Variants in OSBPL3 observed in about 807,000 individuals in gnomAD.
The protein encoded by OSBPL3 is oxysterol-binding protein-related protein 3.
A neutral mutation model predicts 120.1 loss-of-function variants in OSBPL3; 65 were observed. That is an observed-to-expected ratio of 0.54 (90% CI 0.44 to 0.67). The LOEUF (loss-of-function observed/expected upper bound fraction) is 0.67. OSBPL3 is among the 30% of genes least tolerant of loss of function. OSBPL3 has a pLI of 0.00. For missense variants in OSBPL3, 1,004 were observed against 1,082.1 expected (o/e 0.93, Z 1.01); for synonymous variants, 416 against 402.6 (o/e 1.03, Z -0.40).
rs530537334 is a variant in OSBPL3, at chr7:24,951,241, T to A, written c.-150+28645A>T. Among the ~76,000 whole-genome samples the A allele has an allele frequency of 2.6e-5, 4 of 152,320 alleles. No individual in the cohort carries two copies. In the South Asian group the frequency reaches 8.3e-4, roughly 32 times the overall value. On this transcript the variant is annotated intron_variant, in intron 1 of 22. Coordinates refer to ENST00000313367, the MANE Select transcript of OSBPL3 (RefSeq NM_015550.4). ...CTAAAAATATTTGCTAGTGGCCTAA[T>A]GTAAGTGGATCCTTAAGTGGGGTTT...
In OSBPL3 at chr7:24,899,868, A is replaced by C. The variant is rs2128372704; in HGVS notation, c.-149-7247T>G. Among the ~76,000 whole-genome samples the C allele has an allele frequency of 6.6e-6, 1 of 152,356 alleles. No homozygotes were observed. The highest frequency in any genetic ancestry group is 1.9e-4 in the East Asian group (1 of 5,192). On this transcript the variant is annotated intron_variant, in intron 1 of 22. Coordinates refer to ENST00000313367, the MANE Select transcript of OSBPL3 (RefSeq NM_015550.4). The surrounding 1 kb of genome is among the most constrained non-coding windows in gnomAD (Gnocchi z 4.0). ...TTAGATGAGTTGAATCAGAATTTCT[A>C]TCTAGAGACGGGCCTGATAATCTGC... is the stretch of plus-strand genomic sequence containing the variant.
intron 18 of OSBPL3, among the ~76,000 whole-genome samples, chr7:24,816,112 C>T (rs991713548): frequency 6.6e-6 from 1 of 152,200 alleles, no homozygotes; most frequent in Non-Finnish European, 1.5e-5. Context: ...TAGCCTCAAC[C>T]TCCCCAGGCT....
In OSBPL3 at chr7:24,818,294, T is replaced by C. The variant is rs1309835734; in HGVS notation, c.1949-1606A>G. ...ATAAAAACCATTGAATTGTACACTT[T>C]ACACGGGTGAATGATATGGTATATA... On this transcript the variant is annotated intron_variant, in intron 17 of 22. Transcript: ENST00000313367. This position sits in a 1 kb window ranked among gnomAD's most constrained non-coding sequence, Gnocchi z 4.0. 6.6e-6 allele frequency among the ~76,000 whole-genome samples: 1 copy of C among 152,178 alleles called. No homozygotes were observed. Among genetic ancestry groups the C allele is most frequent in the Non-Finnish European group, 1.5e-5 (1 of 68,034 alleles).
In OSBPL3 at chr7:24,956,499, G is replaced by A. The variant is rs544200750; in HGVS notation, c.-150+23387C>T. On this transcript the variant is annotated intron_variant, in intron 1 of 22. Transcript: ENST00000313367. ...CGAAGAACTGAAGAGTAAAACACTG[G>A]AAGAGTAAAGCAGTAGAATTACCAT... Among the ~76,000 whole-genome samples the A allele has an allele frequency of 1.6e-3, 244 of 152,340 alleles. 1 individual carries two copies. The highest frequency in any genetic ancestry group is 2.5e-3 in the Non-Finnish European group (167 of 68,028).
At position 24,900,149 on chromosome 7, in the gene OSBPL3, A is replaced by T. The variant is rs1806777185; in HGVS notation, c.-149-7528T>A. Reference sequence around the variant, plus strand: ...AATGCAAAATCTCTGACCCTACCACAGACCAACAAAATCAGGAACTGAGAG... The same window carrying T: ...AATGCAAAATCTCTGACCCTACCACTGACCAACAAAATCAGGAACTGAGAG... On this transcript the variant is annotated intron_variant, in intron 1 of 22. Transcript: ENST00000313367. The surrounding 1 kb of genome is among the most constrained non-coding windows in gnomAD (Gnocchi z 4.5). Among the ~76,000 whole-genome samples, 1 of 152,186 alleles carries T rather than the reference A, an allele frequency of 6.6e-6. No individual in the cohort carries two copies. The highest frequency in any genetic ancestry group is 2.4e-5 in the African/African-American group (1 of 41,448).
intron 13 of OSBPL3, among the ~76,000 whole-genome samples, chr7:24,841,422 T>G (rs1562807178): frequency 6.6e-6 from 1 of 151,626 alleles, no homozygotes; most frequent in Non-Finnish European, 1.5e-5. Context: ...GTCAAAACTA[T>G]TAACCTGTAC....
At position 24,930,663 on chromosome 7, in the gene OSBPL3, C is replaced by T. The variant is rs1429366203; in HGVS notation, c.-149-38042G>A. 6.6e-6 allele frequency among the ~76,000 whole-genome samples: 1 copy of T among 152,092 alleles called. No homozygotes were observed. The highest frequency in any genetic ancestry group is 1.5e-5 in the Non-Finnish European group (1 of 68,014). On this transcript the variant is annotated intron_variant, in intron 1 of 22. Coordinates refer to ENST00000313367, the MANE Select transcript of OSBPL3 (RefSeq NM_015550.4). The surrounding 1 kb of genome is among the most constrained non-coding windows in gnomAD (Gnocchi z 4.4). ...TGGTCATTAACCTTTCCAGGTTAAC[C>T]TCTTAAAAAATTTAATGAAAGTTAT...
chr7:24,861,956 C>T (rs772445854), intron 9 of OSBPL3, among the ~76,000 whole-genome samples, 187 bp from the exon 10 acceptor site: 1 of 151,110 alleles, frequency 6.6e-6, no homozygotes, highest in Non-Finnish European at 1.5e-5. Context: ...GCACAATCTC[C>T]GCTCACTGCA....
rs1449905059 is a variant in OSBPL3 at position 24,881,058 on chromosome 7, C to T, written c.97-8989G>A. Among the ~76,000 whole-genome samples the T allele has an allele frequency of 1.3e-5, 2 of 152,178 alleles. No individual in the cohort carries two copies. The highest frequency in any genetic ancestry group is 6.5e-5 in the Admixed American group (1 of 15,272). ...CTCTTCAAGGAGACCCACTGCTTTG[C>T]TGGACAGCACCAGCTGAGAACAGTG... On this transcript the variant is annotated intron_variant, in intron 2 of 22. Transcript: ENST00000313367. This position sits in a 1 kb window ranked among gnomAD's most constrained non-coding sequence, Gnocchi z 4.3.
chr7:24,870,724 A>C lies in OSBPL3; in HGVS notation c.381+8T>G. ...AAGTGAACTCTGCACAGTGGGAAGC[A>C]GCCTCACCTTCAGATGGTAGATGTG... On this transcript the variant is annotated splice_region_variant and intron_variant, in intron 5 of 22. Transcript: ENST00000313367. The C allele has an allele frequency of 6.5e-7, 1 of 1,528,168 alleles. No individual in the cohort carries two copies. The highest frequency in any genetic ancestry group is 9.1e-7 in the Non-Finnish European group (1 of 1,101,326). The allele number at this position is 1,528,168 out of a possible 1,614,324, so 94.7% of individuals were successfully genotyped here. A position where few individuals can be genotyped will look rare whatever the true frequency, so the allele number is the denominator to read the frequency against.
At chr7:24,909,995 G>A (rs1371320411) in intron 1 of OSBPL3, among the ~76,000 whole-genome samples, 2 of 151,698 alleles carry the variant, frequency 1.3e-5, no homozygotes. Flanking sequence ...TAGTAGAGAT[G>A]GGGTTTCGCC....
At chr7:24,949,262 A>G (rs1263717361) in intron 1 of OSBPL3, among the ~76,000 whole-genome samples, 2 of 152,028 alleles carry the variant, frequency 1.3e-5, no homozygotes, top group Admixed American at 1.3e-4. Context: ...GCATAGCTTC[A>G]CAGTATTCAT....
At position 24,815,922 on chromosome 7, in the gene OSBPL3, G is replaced by A. The variant is rs1367358353; in HGVS notation, c.2027+688C>T. 6.6e-6 allele frequency among the ~76,000 whole-genome samples: 1 copy of A among 152,224 alleles called. No individual in the cohort carries two copies. Among genetic ancestry groups the A allele is most frequent in the Admixed American group, 6.5e-5 (1 of 15,286 alleles). ...CCAGTTTCAGAGTCCCTGCTCAGAAGCATCTTGCTTTATAAATAAGTATCA... is the reference window on the plus strand; with the variant it reads ...CCAGTTTCAGAGTCCCTGCTCAGAAACATCTTGCTTTATAAATAAGTATCA... On this transcript the variant is annotated intron_variant, in intron 18 of 22. Coordinates refer to ENST00000313367, the MANE Select transcript of OSBPL3 (RefSeq NM_015550.4). This position sits in a 1 kb window ranked among gnomAD's most constrained non-coding sequence, Gnocchi z 5.1.
intron 12 of OSBPL3, among the ~76,000 whole-genome samples, chr7:24,848,785 C>CT (rs5882952): frequency 0.38 from 57,547 of 151,700 alleles, 11,247 homozygotes; most frequent in East Asian, 0.49. Context: ...TCCAGTACCA[C>CT]TAGTGAAAGG....
intron 1 of OSBPL3, among the ~76,000 whole-genome samples, chr7:24,924,455 T>C (rs1416441679): frequency 6.6e-6 from 1 of 152,234 alleles, no homozygotes; most frequent in African/African-American, 2.4e-5. Context: ...GATACACTTT[T>C]GTACTTGTGA....
intron 2 of OSBPL3, among the ~76,000 whole-genome samples, chr7:24,888,962 C>T (rs1483351845): frequency 6.6e-6 from 1 of 152,160 alleles, no homozygotes; most frequent in Admixed American, 6.5e-5. Context: ...GTTTTAAGTT[C>T]ATGCATTTAA....
At chr7:24,956,007 A>G (rs1243257298) in intron 1 of OSBPL3, among the ~76,000 whole-genome samples, 6 of 152,274 alleles carry the variant, frequency 3.9e-5, no homozygotes, top group Non-Finnish European at 8.8e-5. Context: ...CCCTAAGAGT[A>G]TAATTTCCAC....
At chr7:24,828,116 C>T (rs1795915783) in intron 16 of OSBPL3, among the ~76,000 whole-genome samples, 1 of 151,942 alleles carries the variant, frequency 6.6e-6, no homozygotes, top group Non-Finnish European at 1.5e-5. Context: ...CCTCCACCTC[C>T]CAGGTTCAAG....
chr7:24,821,056 G>A lies in OSBPL3; in HGVS notation c.1885-818C>T, dbSNP rs974327285. On this transcript the variant is annotated intron_variant, in intron 16 of 22. Coordinates refer to ENST00000313367, the MANE Select transcript of OSBPL3 (RefSeq NM_015550.4). This position sits in a 1 kb window ranked among gnomAD's most constrained non-coding sequence, Gnocchi z 5.5. ...TATTTCCTCATCTCAGTCACACTCA[G>A]GGAACGTTGAGAGGTGTATATGCTG... is the stretch of plus-strand genomic sequence containing the variant. Among the ~76,000 whole-genome samples, 2 of 152,158 alleles carry A rather than the reference G, an allele frequency of 1.3e-5. No homozygotes were observed. Among genetic ancestry groups the A allele is most frequent in the Non-Finnish European group, 2.9e-5 (2 of 68,034 alleles).
Sources: gnomAD v4.1 joint callset for allele counts (sites outside exome capture counted in the v4.1 genomes callset) on GRCh38, gnomAD v4.1.1 for gene constraint, Gnocchi (gnomAD v3.1) non-coding constraint, MANE v1.5 for transcripts, NCBI Gene and HGNC (gene_info 2026-07-23, HGNC 2026-07-21) for gene names.